The following ENOX2 variants were observed in gnomAD, a reference collection of about 807,000 sequenced individuals.
ENOX2 encodes ecto-NOX disulfide-thiol exchanger 2, also known as APK1 antigen.
In ENOX2, 36 loss-of-function variants were observed where a neutral mutation model predicts 45.0. The ratio of observed to expected loss-of-function variants is 0.80; its 90% CI spans 0.61 to 1.06. The LOEUF (loss-of-function observed/expected upper bound fraction) is 1.06. Ranked by LOEUF, ENOX2 falls within the 50% of genes least tolerant of loss-of-function variation. ENOX2 has a pLI of 0.00. For synonymous variants in ENOX2, 174 were observed against 152.3 expected (o/e 1.14, Z -1.05); for missense variants, 423 against 462.5 (o/e 0.91, Z 0.78).
chrX:130,751,415 T>G (rs773342178), intron 3 of ENOX2, among the ~76,000 whole-genome samples: 1 of 112,498 alleles, frequency 8.9e-6, no homozygotes, highest in African/African-American at 3.2e-5. Context: ...TTCTACCGTA[T>G]GGATATATCA....
At chrX:130,817,045 G>A (rs1469982548) in intron 2 of ENOX2, among the ~76,000 whole-genome samples, 4 of 111,907 alleles carry the variant, frequency 3.6e-5, no homozygotes, top group African/African-American at 1.3e-4. Flanking sequence ...GAAGAAAGGA[G>A]AAAAGAATCA....
At chrX:130,883,946 C>A (rs1471652365) in intron 2 of ENOX2, among the ~76,000 whole-genome samples, 1 of 112,372 alleles carries the variant, frequency 8.9e-6, no homozygotes, top group Non-Finnish European at 1.9e-5. Flanking sequence ...CCAATAAATT[C>A]TTTTTCATTT....
At chrX:130,625,901 ATC>A (rs758159264) in intron 14 of ENOX2, among the ~76,000 whole-genome samples, 13 of 101,211 alleles carry the variant, frequency 1.3e-4, no homozygotes, top group African/African-American at 1.8e-4. Flanking sequence ...CTGCATCCCC[ATC>A]TCTCTCTCTC....
intron 11 of ENOX2, among the ~76,000 whole-genome samples, chrX:130,635,353 C>T (rs1440243324): frequency 8.9e-6 from 1 of 111,971 alleles, no homozygotes; most frequent in East Asian, 2.8e-4. Context: ...AACTTCTTCC[C>T]TATTCTGGCC....
At chrX:130,771,830 G>A (rs191825362) in intron 3 of ENOX2, among the ~76,000 whole-genome samples, 146 of 112,174 alleles carry the variant, frequency 1.3e-3, no homozygotes, top group African/African-American at 4.5e-3. Context: ...AGAGCCTACT[G>A]GCTGTCTCAT....
intron 2 of ENOX2, among the ~76,000 whole-genome samples, chrX:130,895,653 T>C (rs1041623648): frequency 2.7e-5 from 3 of 112,137 alleles, no homozygotes; most frequent in Non-Finnish European, 3.8e-5. Context: ...CCTATCGTTA[T>C]TATGCTAAAG....
intron 2 of ENOX2, among the ~76,000 whole-genome samples, chrX:130,882,333 G>GAA (rs148363895): frequency 1.2e-3 from 97 of 79,738 alleles, no homozygotes; most frequent in African/African-American, 2.9e-3. Flanking sequence ...TGTCTATTTG[G>GAA]AAAAAAAAAA....
intron 2 of ENOX2, among the ~76,000 whole-genome samples, chrX:130,853,463 CAAAAAAAAA>C (rs754949787): frequency 2.9e-4 from 8 of 27,995 alleles, no homozygotes; most frequent in African/African-American, 1.0e-3. Flanking sequence ...GACTCCGTCT[CAAAAAAAAA>C]AAAAAAAAAA....
chrX:130,829,792 C>T (rs2077786959), intron 2 of ENOX2, among the ~76,000 whole-genome samples: 1 of 111,965 alleles, frequency 8.9e-6, no homozygotes, highest in South Asian at 3.7e-4. Flanking sequence ...CAAGATTGCA[C>T]AGCTTAGAAC....
chrX:130,691,909 G>T (rs1470308724), intron 4 of ENOX2, among the ~76,000 whole-genome samples: 1 of 112,933 alleles, frequency 8.9e-6, no homozygotes, highest in East Asian at 2.8e-4. Flanking sequence ...TATAACTCCT[G>T]ACTGATGTAC....
chrX:130,797,280 T>C lies in ENOX2; in HGVS notation c.-182-13590A>G, dbSNP rs745675770. On this transcript the variant is annotated intron_variant, in intron 2 of 14. Transcript: ENST00000394363. ...GCAAAGTCAGACTGTAAAAGCATAG[T>C]AACTTTCCAAAAAATGCCTTAAAGA... is the stretch of plus-strand genomic sequence containing the variant. Among the ~76,000 whole-genome samples, 66 of 111,543 alleles carry C rather than the reference T, an allele frequency of 5.9e-4. 1 individual carries two copies. The highest frequency in any genetic ancestry group is 1.9e-4 in the Admixed American group (2 of 10,480).
rs370146604 is a variant in ENOX2, at chrX:130,777,314, C to T, written c.-39+6233G>A. 4.9e-4 allele frequency among the ~76,000 whole-genome samples: 54 copies of T among 109,362 alleles called. 4 individuals are homozygous for T. The East Asian group carries it at 8.4e-3, about 17-fold the overall frequency. 95.0% of individuals were successfully genotyped at this position (109,362 alleles called of 115,157 possible). On this transcript the variant is annotated intron_variant, in intron 3 of 14. Coordinates refer to ENST00000394363, the MANE Select transcript of ENOX2 (RefSeq NM_006375.4). ...AGGAGTTCGAGACCAGCCTGGGCAA[C>T]GTGGAGAAACCCTGTCTCTATTAAA...
chrX:130,649,043 CAAAAAAAAAAAAAAAAAA>C (rs35154919), intron 10 of ENOX2, among the ~76,000 whole-genome samples: 4 of 6,799 alleles, frequency 5.9e-4, no homozygotes, highest in East Asian at 0.017. Context: ...GACTCCATAT[CAAAAAAAAAAAAAAAAAA>C]AAAAAAAAAA....
chrX:130,856,105 A>G (rs747981028), intron 2 of ENOX2, among the ~76,000 whole-genome samples: 5 of 112,321 alleles, frequency 4.5e-5, no homozygotes, highest in Non-Finnish European at 9.4e-5. Flanking sequence ...TATCATTTAT[A>G]TTACTGGTGG....
At chrX:130,710,622 A>G (rs968304859) in intron 3 of ENOX2, among the ~76,000 whole-genome samples, 1 of 111,690 alleles carries the variant, frequency 9.0e-6, no homozygotes, top group African/African-American at 3.3e-5. Context: ...TACTGTAACA[A>G]TTTTTGTGTG....
At chrX:130,816,231 A>G (rs1467846439) in intron 2 of ENOX2, among the ~76,000 whole-genome samples, 1 of 111,921 alleles carries the variant, frequency 8.9e-6, no homozygotes, top group Non-Finnish European at 1.9e-5. Context: ...TCCTAAATAT[A>G]TATGCACCCA....
intron 2 of ENOX2, among the ~76,000 whole-genome samples, chrX:130,853,292 G>A (rs1201562620): frequency 1.9e-5 from 2 of 107,905 alleles, no homozygotes; most frequent in Admixed American, 9.8e-5. Context: ...GTGAAACCCC[G>A]TCTCTACTAA....
intron 2 of ENOX2, among the ~76,000 whole-genome samples, chrX:130,815,423 G>T (rs776858479): frequency 9.0e-6 from 1 of 111,466 alleles, no homozygotes; most frequent in Non-Finnish European, 1.9e-5. Context: ...TCCTCGAGAA[G>T]AGCAACCCTA....
chrX:130,690,314 T>A (rs1275694106), intron 4 of ENOX2, among the ~76,000 whole-genome samples: 1 of 111,843 alleles, frequency 8.9e-6, no homozygotes, highest in East Asian at 2.8e-4. Flanking sequence ...TTAGAAATTA[T>A]CCAGGTAGGC....
Sources: gnomAD v4.1 joint callset for allele counts (sites outside exome capture counted in the v4.1 genomes callset) on GRCh38, gnomAD v4.1.1 for gene constraint, MANE v1.5 for transcripts, NCBI Gene and HGNC (gene_info 2026-07-23, HGNC 2026-07-21) for gene names.